The following MMS22L variants were observed in gnomAD, a reference collection of about 807,000 sequenced individuals.
The protein encoded by MMS22L is MMS22 like, DNA repair protein, also known as protein MMS22-like.
MMS22L carries 74 observed loss-of-function variants against 159.1 expected under a neutral mutation model. That is an observed-to-expected ratio of 0.47 (90% CI 0.39 to 0.56). The LOEUF (loss-of-function observed/expected upper bound fraction) is 0.56, where lower values mean the gene tolerates loss of function less well. Among genes scored for constraint, MMS22L ranks in the 20% least tolerant of loss-of-function variants. MMS22L has a pLI of 0.00. For missense variants in MMS22L, 1,351 were observed against 1,422.1 expected (o/e 0.95, Z 0.80); for synonymous variants, 517 against 506.9 (o/e 1.02, Z -0.27).
rs1809098152 is a variant in MMS22L at position 97,217,123 on chromosome 6, T to C, written c.2039+11771A>G. On this transcript the variant is annotated intron_variant, in intron 14 of 24. Coordinates refer to ENST00000683635, the MANE Select transcript of MMS22L (RefSeq NM_001350599.2). ...TTTCATCCTAGAAAAATCATATTACTGGTAACTTCAAATTTTGGTAATAAC... is the reference window on the plus strand; with the variant it reads ...TTTCATCCTAGAAAAATCATATTACCGGTAACTTCAAATTTTGGTAATAAC... 2.0e-5 allele frequency among the ~76,000 whole-genome samples: 3 copies of C among 152,208 alleles called. 1 individual carries two copies. Among genetic ancestry groups the C allele is most frequent in the Admixed American group, 2.0e-4 (3 of 15,280 alleles).
At chr6:97,233,067 G>GA (rs573093148) in intron 12 of MMS22L, among the ~76,000 whole-genome samples, 256 of 131,842 alleles carry the variant, frequency 1.9e-3, no homozygotes, top group Middle Eastern at 7.7e-3. Flanking sequence ...ACCACTTTCA[G>GA]AAAAAAAAAA....
At chr6:97,234,077 G>T (rs1811149542) in intron 11 of MMS22L, 97 bp from the exon 12 acceptor site, 1 of 1,322,378 alleles carries the variant, frequency 7.6e-7, no homozygotes, top group Admixed American at 2.6e-5. Flanking sequence ...CAGCTAAAAA[G>T]AAAATAAATA....
chr6:97,222,047 T>C (rs1450482521), intron 14 of MMS22L, among the ~76,000 whole-genome samples: 2 of 152,096 alleles, frequency 1.3e-5, no homozygotes, highest in African/African-American at 4.8e-5. Flanking sequence ...TTATTTGGCA[T>C]ACAGCAGCCC....
chr6:97,268,957 G>T (rs1815443689), intron 7 of MMS22L, among the ~76,000 whole-genome samples: 1 of 151,970 alleles, frequency 6.6e-6, no homozygotes, highest in African/African-American at 2.4e-5. Flanking sequence ...AGGTGTAGGA[G>T]TAACAGACAT....
chr6:97,267,835 C>CT (rs1815300260), intron 8 of MMS22L, 37 bp downstream of exon 8: 2 of 1,551,100 alleles, frequency 1.3e-6, no homozygotes, highest in Non-Finnish European at 1.7e-6. Flanking sequence ...TGAATACTGT[C>CT]TTTAAGTCTC....
intron 20 of MMS22L, 72 bp downstream of exon 20, chr6:97,167,999 A>G: frequency 4.0e-6 from 5 of 1,254,648 alleles, no homozygotes; most frequent in Non-Finnish European, 5.5e-6. Context: ...ATCTGCATTT[A>G]GTAAACTATG....
At chr6:97,252,576 CAG>C (rs1253461888) in intron 10 of MMS22L, among the ~76,000 whole-genome samples, 8 of 149,596 alleles carry the variant, frequency 5.3e-5, no homozygotes, top group Admixed American at 2.7e-4. Context: ...ACCCGTGAGG[CAG>C]AGTTTGCAGT....
intron 15 of MMS22L, among the ~76,000 whole-genome samples, chr6:97,182,829 TATC>T (rs1804854925): frequency 6.6e-6 from 1 of 152,146 alleles, no homozygotes; most frequent in Non-Finnish European, 1.5e-5. Flanking sequence ...TTGAATTTCA[TATC>T]ATCAGGTTAT....
At chr6:97,250,631 A>G (rs1383804000) in intron 10 of MMS22L, among the ~76,000 whole-genome samples, 1 of 152,194 alleles carries the variant, frequency 6.6e-6, no homozygotes, top group Non-Finnish European at 1.5e-5. Context: ...GTGAGATACC[A>G]GATTTTTCTT....
At chr6:97,266,034 G>T (rs902307535) in intron 8 of MMS22L, 1 of 152,102 alleles carries the variant, frequency 6.6e-6, no homozygotes, top group Non-Finnish European at 1.5e-5. Context: ...TTTCTTAAAA[G>T]AAGACATACA....
At chr6:97,207,152 C>T (rs1346976344) in intron 14 of MMS22L, among the ~76,000 whole-genome samples, 2 of 152,126 alleles carry the variant, frequency 1.3e-5, no homozygotes, top group Non-Finnish European at 2.9e-5. Context: ...AACTCTTTCT[C>T]AAAAAGATTT....
chr6:97,240,529 C>G (rs1225574170), intron 11 of MMS22L, among the ~76,000 whole-genome samples: 1 of 152,128 alleles, frequency 6.6e-6, no homozygotes, highest in African/African-American at 2.4e-5. Context: ...CTTTGGGGAA[C>G]AGGTGGTGTT....
chr6:97,271,298 T>C (rs1815713037), intron 6 of MMS22L: 1 of 152,162 alleles, frequency 6.6e-6, no homozygotes, highest in Admixed American at 6.6e-5. Context: ...AAATAACCTA[T>C]CTTTTCAAGT....
At position 97,168,146 on chromosome 6, in the gene MMS22L, T is replaced by C. The variant is rs375250430; in HGVS notation, c.2934A>G (p.Ala978=). 16 of 1,613,202 alleles carry C rather than the reference T, an allele frequency of 9.9e-6. No individual in the cohort carries two copies. The highest frequency in any genetic ancestry group is 1.3e-5 in the African/African-American group (1 of 74,880). Residue 978 remains alanine (A), a synonymous_variant, in exon 20 of 25, where the codon GCA becomes GCG. Transcript: ENST00000683635. The part of the protein sequence containing the change: ...RIIDCLLLPH[A]VLQQEKELPA... The stretch of plus-strand genomic sequence containing the variant: ...GCAGTTCCTTCTCTTGCTGTAATAC[T>C]GCATGTGGCAGCAGTAAACAATCTA...
chr6:97,160,267 A>G (rs1802302513), intron 22 of MMS22L, among the ~76,000 whole-genome samples: 1 of 151,994 alleles, frequency 6.6e-6, no homozygotes, highest in Non-Finnish European at 1.5e-5. Flanking sequence ...AACTTCCTTT[A>G]GCATTTTGTT....
rs905294174 is a variant in MMS22L at position 97,145,860 on chromosome 6, A to T, written c.*946T>A. The T allele has an allele frequency of 2.0e-5, 3 of 152,166 alleles. No homozygotes were observed. The highest frequency in any genetic ancestry group is 4.8e-5 in the African/African-American group (2 of 41,452). The allele number at this position is 152,166 out of a possible 1,614,324, so 9.4% of individuals were successfully genotyped here. A position where few individuals can be genotyped will look rare whatever the true frequency, so the allele number is the denominator to read the frequency against. On this transcript the variant is annotated 3_prime_UTR_variant, in exon 25 of 25. Transcript: ENST00000683635. ...TGCTCAATAGGAAAAGGAGTCAAGG[A>T]CAAGCTCCAACTGGTAAAACAATCT...
intron 8 of MMS22L, chr6:97,265,375 T>C (rs1275985995): frequency 1.3e-5 from 2 of 152,084 alleles, no homozygotes; most frequent in Non-Finnish European, 2.9e-5. Context: ...AAGACTTAAA[T>C]GTAAGACCTG....
chr6:97,273,587 T>A (rs947936879), intron 4 of MMS22L, among the ~76,000 whole-genome samples: 1 of 152,198 alleles, frequency 6.6e-6, no homozygotes, highest in African/African-American at 2.4e-5. Flanking sequence ...CTAACACCTA[T>A]ACTTGGATTG....
At chr6:97,259,823 T>G (rs1189650773) in intron 9 of MMS22L, 7 of 152,134 alleles carry the variant, frequency 4.6e-5, no homozygotes, top group Non-Finnish European at 7.4e-5. Flanking sequence ...TATATAAGAA[T>G]TTAGTTTCTA....
Sources: gnomAD v4.1 joint callset for allele counts (sites outside exome capture counted in the v4.1 genomes callset) on GRCh38, gnomAD v4.1.1 for gene constraint, MANE v1.5 for transcripts, NCBI Gene and HGNC (gene_info 2026-07-23, HGNC 2026-07-21) for gene names.